The following KCND3 variants were observed in gnomAD, a reference collection of about 807,000 sequenced individuals.
The protein encoded by KCND3 is potassium voltage-gated channel subfamily D member 3, also known as A-type voltage-gated potassium channel KCND3.
In KCND3, 9 loss-of-function variants were observed where a neutral mutation model predicts 51.1. The observed-to-expected ratio is 0.18, with a 90% CI of 0.11 to 0.31. KCND3 has a LOEUF of 0.31. Among genes scored for constraint, KCND3 ranks in the 10% least tolerant of loss-of-function variants. The probability of loss-of-function intolerance (pLI) is 1.00; values close to 1 mark genes in which losing one functional copy is unlikely to be tolerated. For missense variants in KCND3, 526 were observed against 903.8 expected (o/e 0.58, Z 5.36); for synonymous variants, 349 against 368.0 (o/e 0.95, Z 0.59).
At chr1:111,870,323 G>A (rs1224457837) in intron 2 of KCND3, among the ~76,000 whole-genome samples, 2 of 152,146 alleles carry the variant, frequency 1.3e-5, no homozygotes, top group Non-Finnish European at 2.9e-5. Context: ...CTAATAGCAG[G>A]CATTAGGGGG....
intron 3 of KCND3, among the ~76,000 whole-genome samples, chr1:111,783,199 CA>C (rs67241053): frequency 0.23 from 16,425 of 72,366 alleles, 739 homozygotes; most frequent in East Asian, 0.32. Flanking sequence ...AATTCAAAGA[CA>C]AAAAAAAAAA....
chr1:111,814,228 G>A (rs532086049), intron 2 of KCND3, among the ~76,000 whole-genome samples: 17 of 129,260 alleles, frequency 1.3e-4, no homozygotes, highest in Admixed American at 6.5e-4. Flanking sequence ...AACACTGATC[G>A]TGGTGCTTAT....
At chr1:111,897,444 C>T (rs1040019286) in intron 2 of KCND3, among the ~76,000 whole-genome samples, 15 of 152,252 alleles carry the variant, frequency 9.9e-5, no homozygotes, top group Non-Finnish European at 7.3e-5. Context: ...TTGCCGCCTC[C>T]GGAGGTGCTT....
At chr1:111,778,677 AC>A (rs1433740634) in intron 5 of KCND3, among the ~76,000 whole-genome samples, 185 bp from the exon 6 acceptor site, 1 of 151,632 alleles carries the variant, frequency 6.6e-6, no homozygotes, top group Non-Finnish European at 1.5e-5. Context: ...CCCCAACAGG[AC>A]CCTGCTCAAC....
intron 2 of KCND3, among the ~76,000 whole-genome samples, chr1:111,865,424 G>A (rs575582052): frequency 6.6e-6 from 1 of 152,282 alleles, no homozygotes; most frequent in South Asian, 2.1e-4. Context: ...TCCCAAAGAG[G>A]TCAGGGCTAC....
At chr1:111,872,853 C>T (rs1027774577) in intron 2 of KCND3, among the ~76,000 whole-genome samples, 2 of 152,194 alleles carry the variant, frequency 1.3e-5, no homozygotes, top group African/African-American at 4.8e-5. Context: ...CAGATGTCTC[C>T]GTGGCTTTAG....
intron 2 of KCND3, among the ~76,000 whole-genome samples, chr1:111,836,928 T>C (rs1667094296): frequency 6.6e-6 from 1 of 152,230 alleles, no homozygotes; most frequent in South Asian, 2.1e-4. Flanking sequence ...AAAGTAAGCA[T>C]TTCTAGTAAG....
At chr1:111,896,538 G>C (rs1045338542) in intron 2 of KCND3, among the ~76,000 whole-genome samples, 3 of 152,184 alleles carry the variant, frequency 2.0e-5, no homozygotes, top group Non-Finnish European at 4.4e-5. Context: ...ACAGAACTGG[G>C]CTGGAGGCTA....
chr1:111,783,199 C>CAAAAAAAAAAAAA (rs67241053), intron 3 of KCND3, among the ~76,000 whole-genome samples: 2 of 72,334 alleles, frequency 2.8e-5, no homozygotes, highest in African/African-American at 8.7e-5. Context: ...AATTCAAAGA[C>CAAAAAAAAAAAAA]AAAAAAAAAA....
chr1:111,844,768 C>A (rs1434471655), intron 2 of KCND3, among the ~76,000 whole-genome samples: 2 of 152,144 alleles, frequency 1.3e-5, no homozygotes, highest in African/African-American at 4.8e-5. Flanking sequence ...TTCTCTCTCT[C>A]CCTCCATGTC....
chr1:111,933,242 T>C (rs1401187680), intron 2 of KCND3, among the ~76,000 whole-genome samples: 1 of 152,206 alleles, frequency 6.6e-6, no homozygotes, highest in African/African-American at 2.4e-5. Context: ...TGTGAGTCAA[T>C]TAAGCCTCTT....
chr1:111,987,672 C>T (rs1413611564), intron 1 of KCND3, among the ~76,000 whole-genome samples: 13 of 152,206 alleles, frequency 8.5e-5, no homozygotes, highest in Admixed American at 7.2e-4. Context: ...CAACACCTTC[C>T]GGAGCTGGCC....
chr1:111,967,154 C>CA lies in KCND3; in HGVS notation c.1106+14466dup, dbSNP rs1251991767. ...AGATTCCGTCTCAAAAAAAAAAAAA[C>CA]AAAAACAAAAAAAAAAACAAAACAA... On this transcript the variant is annotated intron_variant, in intron 2 of 7. Transcript: ENST00000302127. Among the ~76,000 whole-genome samples the CA allele has an allele frequency of 7.6e-3, 1,071 of 141,796 alleles. 12 individuals carry two copies. The highest frequency in any genetic ancestry group is 0.026 in the African/African-American group (1,002 of 38,138). The allele number at this position is 141,796 out of a possible 152,430, so 93.0% of individuals were successfully genotyped here.
At chr1:111,881,947 A>AG (rs1669350162) in intron 2 of KCND3, among the ~76,000 whole-genome samples, 2 of 152,086 alleles carry the variant, frequency 1.3e-5, no homozygotes, top group Admixed American at 6.5e-5. Flanking sequence ...CATGGTTCTG[A>AG]GGGGGCCCCT....
In KCND3 at chr1:111,981,477, C is replaced by G. The variant is rs780094837; in HGVS notation, c.1106+144G>C. On this transcript the variant is annotated intron_variant, in intron 2 of 7. Coordinates refer to ENST00000302127, the MANE Select transcript of KCND3 (RefSeq NM_001378969.1). The surrounding 1 kb of genome is among the most constrained non-coding windows in gnomAD (Gnocchi z 6.2). ...CAGATGACTCATGGGCTTTACCCTT[C>G]GGATAGAGCAACTTCCCCTGCCCCC... 2.5e-6 allele frequency: 3 copies of G among 1,189,492 alleles called. No homozygotes were observed. The highest frequency in any genetic ancestry group is 2.7e-5 in the South Asian group (2 of 74,862). 73.7% of individuals were successfully genotyped at this position (1,189,492 alleles called of 1,614,324 possible).
chr1:111,771,808 G>A lies in KCND3; in HGVS notation c.*4269C>T, dbSNP rs1269988091. On this transcript the variant is annotated 3_prime_UTR_variant, in exon 8 of 8. Transcript: ENST00000302127. ...TAAACTAATGTGTTCAACTGTCACT[G>A]AGAATATCTATTGGTCTTTTGAAAG... 1 of 152,216 alleles carries A rather than the reference G, an allele frequency of 6.6e-6. No homozygotes were observed. Among genetic ancestry groups the A allele is most frequent in the Non-Finnish European group, 1.5e-5 (1 of 68,040 alleles). 9.4% of individuals were successfully genotyped at this position (152,216 alleles called of 1,614,324 possible). A position where few individuals can be genotyped will look rare whatever the true frequency, so the allele number is the denominator to read the frequency against.
chr1:111,927,997 ACC>A (rs1356153614), intron 2 of KCND3, among the ~76,000 whole-genome samples: 2 of 151,664 alleles, frequency 1.3e-5, no homozygotes, highest in Non-Finnish European at 2.9e-5. Context: ...GGCCTCCCCT[ACC>A]CACTGCCTGG....
chr1:111,855,496 C>T (rs376166675), intron 2 of KCND3, among the ~76,000 whole-genome samples: 3 of 152,286 alleles, frequency 2.0e-5, no homozygotes, highest in African/African-American at 7.2e-5. Flanking sequence ...ATGCTAATGA[C>T]CACATACCAG....
intron 2 of KCND3, among the ~76,000 whole-genome samples, chr1:111,856,401 T>C (rs773866619): frequency 1.3e-5 from 2 of 152,192 alleles, no homozygotes; most frequent in African/African-American, 4.8e-5. Context: ...TTACAGAGGA[T>C]AACATGAGTG....
Sources: allele counts gnomAD v4.1 joint callset (sites outside exome capture counted in the v4.1 genomes callset), GRCh38; gene constraint gnomAD v4.1.1; non-coding constraint Gnocchi (gnomAD v3.1); transcripts MANE v1.5; gene names NCBI Gene and HGNC (gene_info 2026-07-23, HGNC 2026-07-21).